The following FHIT variants were observed in gnomAD, a reference collection of about 807,000 sequenced individuals.
The protein encoded by FHIT is bis(5'-adenosyl)-triphosphatase.
FHIT carries 19 observed loss-of-function variants against 17.9 expected under a neutral mutation model. The observed-to-expected ratio is 1.06, with a 90% CI of 0.74 to 1.56. FHIT has a LOEUF of 1.56. Among genes scored for constraint, FHIT ranks in the 40% most tolerant of loss-of-function variants. FHIT has a pLI of 0.00. For missense variants in FHIT, 248 were observed against 189.2 expected (o/e 1.31, Z -1.82); for synonymous variants, 81 against 69.7 (o/e 1.16, Z -0.81).
chr3:59,923,929 C>T (rs1235518077), intron 7 of FHIT, among the ~76,000 whole-genome samples: 1 of 152,194 alleles, frequency 6.6e-6, no homozygotes, highest in African/African-American at 2.4e-5. Context: ...AAGAGTGACA[C>T]GCTTTTGCCA....
chr3:60,966,869 A>C (rs1709768288), intron 3 of FHIT, among the ~76,000 whole-genome samples: 1 of 152,202 alleles, frequency 6.6e-6, no homozygotes, highest in Admixed American at 6.5e-5. Context: ...TAAAGTCCTA[A>C]GGTGCAGTAT....
intron 1 of FHIT, among the ~76,000 whole-genome samples, chr3:61,227,293 T>C (rs986884508): frequency 3.3e-5 from 5 of 152,178 alleles, no homozygotes; most frequent in Admixed American, 2.0e-4. Flanking sequence ...TTTAGAAAAT[T>C]AATTTTTAAA....
intron 5 of FHIT, among the ~76,000 whole-genome samples, chr3:60,078,749 A>G (rs1257562021): frequency 1.3e-5 from 2 of 152,154 alleles, no homozygotes; most frequent in African/African-American, 4.8e-5. Flanking sequence ...TATTTCACTA[A>G]AAATTATATA....
At chr3:61,109,870 T>C (rs2036103145) in intron 2 of FHIT, among the ~76,000 whole-genome samples, 1 of 152,092 alleles carries the variant, frequency 6.6e-6, no homozygotes, top group Non-Finnish European at 1.5e-5. Context: ...CAAATCCTTT[T>C]AGGACAACCT....
At chr3:60,160,354 G>T (rs530732893) in intron 5 of FHIT, among the ~76,000 whole-genome samples, 1 of 152,256 alleles carries the variant, frequency 6.6e-6, no homozygotes, top group African/African-American at 2.4e-5. Context: ...CTGCTTCATG[G>T]TCATAAGGCC....
chr3:60,520,587 T>G (rs755949666), intron 5 of FHIT, among the ~76,000 whole-genome samples: 1 of 152,188 alleles, frequency 6.6e-6, no homozygotes, highest in East Asian at 1.9e-4. Flanking sequence ...GAAGGTCTAC[T>G]GCTTATTGCT....
chr3:60,878,439 G>T (rs1553757024), intron 3 of FHIT, among the ~76,000 whole-genome samples: 1 of 151,910 alleles, frequency 6.6e-6, no homozygotes, highest in Non-Finnish European at 1.5e-5. Context: ...GACCCCAAAA[G>T]CCCTGCCACT....
chr3:60,770,770 T>C (rs1454628930), intron 4 of FHIT, among the ~76,000 whole-genome samples: 1 of 152,238 alleles, frequency 6.6e-6, no homozygotes, highest in Admixed American at 6.5e-5. Flanking sequence ...TTCTGCAACA[T>C]AGTTTTGGAC....
chr3:59,874,386 T>A (rs1047845013), intron 8 of FHIT, among the ~76,000 whole-genome samples: 13 of 152,174 alleles, frequency 8.5e-5, no homozygotes, highest in African/African-American at 2.9e-4. Flanking sequence ...TTCTCAAGCT[T>A]TACTGTTTCA....
At chr3:59,991,096 A>C (rs556631843) in intron 7 of FHIT, among the ~76,000 whole-genome samples, 1 of 152,162 alleles carries the variant, frequency 6.6e-6, no homozygotes, top group African/African-American at 2.4e-5. Context: ...CAGCTCCATG[A>C]GATCAAGGGC....
chr3:61,186,578 T>A (rs2038520038), intron 2 of FHIT, among the ~76,000 whole-genome samples: 1 of 152,172 alleles, frequency 6.6e-6, no homozygotes, highest in Admixed American at 6.5e-5. Context: ...AGTCTCCTGC[T>A]CTTTAGGATG....
At chr3:61,232,290 G>A (rs530317805) in intron 1 of FHIT, among the ~76,000 whole-genome samples, 1 of 152,364 alleles carries the variant, frequency 6.6e-6, no homozygotes, top group South Asian at 2.1e-4. Context: ...GGGAGGCTGA[G>A]GCACGAGAAT....
At chr3:60,613,889 A>G (rs533402835) in intron 4 of FHIT, among the ~76,000 whole-genome samples, 1 of 152,252 alleles carries the variant, frequency 6.6e-6, no homozygotes, top group South Asian at 2.1e-4. Context: ...TCAGGTACCC[A>G]AGAGAAGAAA....
At chr3:60,373,044 T>G (rs1056953066) in intron 5 of FHIT, among the ~76,000 whole-genome samples, 6 of 147,876 alleles carry the variant, frequency 4.1e-5, no homozygotes, top group Admixed American at 1.4e-4. Flanking sequence ...TATTTATTTA[T>G]TCAACAAATA....
intron 7 of FHIT, among the ~76,000 whole-genome samples, chr3:59,938,139 T>C (rs1706333860): frequency 6.6e-6 from 1 of 152,122 alleles, no homozygotes; most frequent in Non-Finnish European, 1.5e-5. Context: ...AGTGAAGATA[T>C]ACAAACAATG....
chr3:60,874,362 G>C (rs139017083), intron 3 of FHIT, among the ~76,000 whole-genome samples: 2 of 152,270 alleles, frequency 1.3e-5, no homozygotes, highest in African/African-American at 4.8e-5. Flanking sequence ...TTGGTCTAAA[G>C]AGTCTCTTGG....
chr3:60,822,533 G>T (rs1196242543), intron 3 of FHIT, among the ~76,000 whole-genome samples: 3 of 152,044 alleles, frequency 2.0e-5, no homozygotes, highest in Non-Finnish European at 4.4e-5. Context: ...AGAAACATGG[G>T]TTTTTTTGGT....
chr3:61,244,000 T>C (rs975221432), intron 1 of FHIT: 2 of 152,212 alleles, frequency 1.3e-5, no homozygotes, highest in African/African-American at 2.4e-5. Flanking sequence ...CTTTTACCTA[T>C]TGGATTATAC....
intron 2 of FHIT, among the ~76,000 whole-genome samples, chr3:61,047,206 T>C (rs11092881): frequency 1.3e-5 from 2 of 152,332 alleles, no homozygotes; most frequent in East Asian, 1.9e-4. Flanking sequence ...TGTTGGCAGA[T>C]GACATGATTG....
Sources: allele counts gnomAD v4.1 joint callset (sites outside exome capture counted in the v4.1 genomes callset), GRCh38; gene constraint gnomAD v4.1.1; transcripts MANE v1.5; gene names NCBI Gene and HGNC (gene_info 2026-07-23, HGNC 2026-07-21).